Variants in KCNH1 observed in about 807,000 individuals in gnomAD.
KCNH1 encodes the protein voltage-gated delayed rectifier potassium channel KCNH1.
KCNH1 carries 27 observed loss-of-function variants against 69.2 expected under a neutral mutation model. That is an observed-to-expected ratio of 0.39 (90% CI 0.29 to 0.54). The LOEUF is 0.54. Ranked by LOEUF, KCNH1 falls within the 20% of genes least tolerant of loss-of-function variation. The probability of loss-of-function intolerance (pLI) is 0.68; values close to 1 mark genes in which losing one functional copy is unlikely to be tolerated. For synonymous variants in KCNH1, 456 were observed against 487.7 expected, an observed-to-expected ratio of 0.93 and a Z score of 0.86; for missense variants, 798 against 1,261.6, an observed-to-expected ratio of 0.63 and a Z score of 5.57.
At chr1:210,733,502 G>T (rs1005100918) in intron 10 of KCNH1, among the ~76,000 whole-genome samples, 3 of 152,114 alleles carry the variant, frequency 2.0e-5, no homozygotes, top group African/African-American at 7.2e-5. Context: ...AATTGATCTG[G>T]GTTAAGGCTC....
At chr1:210,714,321 C>T (rs138720188) in intron 10 of KCNH1, among the ~76,000 whole-genome samples, 10 of 152,286 alleles carry the variant, frequency 6.6e-5, no homozygotes, top group South Asian at 2.1e-4. Context: ...ATCAATGTTT[C>T]GAGGTAGACA....
chr1:211,117,238 T>C (rs1571660717), intron 1 of KCNH1, among the ~76,000 whole-genome samples: 1 of 152,196 alleles, frequency 6.6e-6, no homozygotes, highest in South Asian at 2.1e-4. Flanking sequence ...CTATGTTAGG[T>C]AATACAGTCA....
intron 6 of KCNH1, among the ~76,000 whole-genome samples, chr1:210,957,602 A>G (rs1688203661): frequency 6.6e-6 from 1 of 152,224 alleles, no homozygotes; most frequent in Admixed American, 6.5e-5. Flanking sequence ...GTGCTCCTGT[A>G]TTCAATGCAT....
chr1:210,860,234 G>C, intron 7 of KCNH1: 1 of 1,463,996 alleles, frequency 6.8e-7, no homozygotes. Context: ...AAGCCATCTT[G>C]CTGAAAGACT....
At position 210,682,596 on chromosome 1, in the gene KCNH1, T is replaced by G. The variant is rs1451350679; in HGVS notation, c.*685A>C. The G allele has an allele frequency of 1.3e-5, 2 of 152,552 alleles. No individual in the cohort carries two copies. The highest frequency in any genetic ancestry group is 2.9e-5 in the Non-Finnish European group (2 of 68,376). The allele number at this position is 152,552 out of a possible 1,614,324, so 9.4% of individuals were successfully genotyped here. On this transcript the variant is annotated 3_prime_UTR_variant, in exon 11 of 11. Coordinates refer to ENST00000271751, the MANE Select transcript of KCNH1 (RefSeq NM_172362.3). ...AGAACCCCTGGATCTTAAGGGCCCCTCTCCAGCTCTTACCCTTGCCTCACC... is the reference window on the plus strand; with the variant it reads ...AGAACCCCTGGATCTTAAGGGCCCCGCTCCAGCTCTTACCCTTGCCTCACC...
At chr1:210,873,782 G>A (rs1686305242) in intron 7 of KCNH1, among the ~76,000 whole-genome samples, 1 of 152,068 alleles carries the variant, frequency 6.6e-6, no homozygotes. Context: ...TAATCATAGG[G>A]AGATTTATGA....
In KCNH1 at chr1:210,802,384, G is replaced by A. The variant is rs150505385; in HGVS notation, c.1662+1583C>T. 1.5e-3 allele frequency among the ~76,000 whole-genome samples: 226 copies of A among 152,244 alleles called. 1 individual carries two copies. The highest frequency in any genetic ancestry group is 4.7e-3 in the African/African-American group (197 of 41,560). On this transcript the variant is annotated intron_variant, in intron 8 of 10. Coordinates refer to ENST00000271751, the MANE Select transcript of KCNH1 (RefSeq NM_172362.3). ...GCAATGTGTCATTATGTATTTTTAC[G>A]ATCATGTTATCTTTCTGTTTTCCTC...
In KCNH1 at chr1:210,905,331, T is replaced by C. The variant is rs192477205; in HGVS notation, c.1462+14309A>G. Among the ~76,000 whole-genome samples, 35 of 152,284 alleles carry C rather than the reference T, an allele frequency of 2.3e-4. No individual in the cohort carries two copies. In the East Asian group the frequency reaches 5.4e-3, roughly 23 times the overall value. On this transcript the variant is annotated intron_variant, in intron 7 of 10. Transcript: ENST00000271751. ...TGAGTTAAGAGTAGCCCATAGTAAG[T>C]GTCTAATAAATTTTAGCTCTTACTA...
chr1:210,828,684 T>C (rs1011763576), intron 7 of KCNH1, among the ~76,000 whole-genome samples: 1 of 152,162 alleles, frequency 6.6e-6, no homozygotes, highest in African/African-American at 2.4e-5. Context: ...CTCAACAAAG[T>C]TGAGTTAAAG....
At chr1:210,873,550 C>T (rs1242050198) in intron 7 of KCNH1, among the ~76,000 whole-genome samples, 1 of 151,818 alleles carries the variant, frequency 6.6e-6, no homozygotes, top group Non-Finnish European at 1.5e-5. Flanking sequence ...GAGAGGGTCT[C>T]ACTGTGTTTG....
At chr1:210,900,301 G>A (rs1394458027) in intron 7 of KCNH1, among the ~76,000 whole-genome samples, 4 of 152,170 alleles carry the variant, frequency 2.6e-5, no homozygotes, top group South Asian at 2.1e-4. Flanking sequence ...AATCATCCCC[G>A]GTGCTCCTAT....
chr1:210,685,727 A>C (rs1574179851), intron 10 of KCNH1, among the ~76,000 whole-genome samples: 2 of 68,222 alleles, frequency 2.9e-5, no homozygotes, highest in Non-Finnish European at 9.3e-5. Flanking sequence ...CCCCCAGATG[A>C]AGATGACAAG....
At position 211,019,126 on chromosome 1, in the gene KCNH1, T is replaced by C. The variant is rs1396126982; in HGVS notation, c.689A>G (p.Tyr230Cys). 6.2e-7 allele frequency: 1 copy of C among 1,614,008 alleles called. No homozygotes were observed. Among genetic ancestry groups the C allele is most frequent in the Non-Finnish European group, 8.5e-7 (1 of 1,179,936 alleles). Residue 230 changes from tyrosine to cysteine, a missense_variant, in exon 6 of 11, where the codon TAT becomes TGT. Coordinates refer to ENST00000271751, the MANE Select transcript of KCNH1 (RefSeq NM_172362.3). ...WDWIILILTFYTAILVPYNVS... is the reference protein window; with the variant it reads ...WDWIILILTFCTAILVPYNVS... The stretch of plus-strand genomic sequence containing the variant: ...ATTATAAGGGACCAAGATGGCTGTA[T>C]AGAAGGTCAAGATCAAGATGATCCA...
At chr1:210,954,742 T>A (rs1316981113) in intron 6 of KCNH1, among the ~76,000 whole-genome samples, 1 of 152,220 alleles carries the variant, frequency 6.6e-6, no homozygotes, top group Admixed American at 6.5e-5. Flanking sequence ...GCCCACTTTT[T>A]GATGGGGTTG....
chr1:211,117,841 G>A (rs777847214), intron 1 of KCNH1, among the ~76,000 whole-genome samples: 4 of 152,134 alleles, frequency 2.6e-5, no homozygotes, highest in Admixed American at 6.5e-5. Context: ...TAAGTAATCA[G>A]ATGTATAACA....
At chr1:210,935,851 A>T (rs1231077261) in intron 6 of KCNH1, among the ~76,000 whole-genome samples, 1 of 152,232 alleles carries the variant, frequency 6.6e-6, no homozygotes. Flanking sequence ...ACTCTGTTGT[A>T]GTTATACTGA....
chr1:210,948,595 T>C (rs890271986), intron 6 of KCNH1, among the ~76,000 whole-genome samples: 4 of 151,972 alleles, frequency 2.6e-5, no homozygotes, highest in Admixed American at 2.6e-4. Context: ...TTTGGGAGGC[T>C]GAGGCGGGCG....
chr1:210,934,408 A>G (rs1047790370), intron 6 of KCNH1, among the ~76,000 whole-genome samples: 3 of 152,198 alleles, frequency 2.0e-5, no homozygotes, highest in Non-Finnish European at 4.4e-5. Context: ...TAATTCCAGC[A>G]CTTTGTGGGG....
rs373093360 is a variant in KCNH1 at position 210,905,667 on chromosome 1, C to T, written c.1462+13973G>A. On this transcript the variant is annotated intron_variant, in intron 7 of 10. Transcript: ENST00000271751. ...TTTCATCTCAGGGGAAAAAAAAAAT[C>T]GTAAAACTGGCCTACCCTCTCGGTG... is the stretch of plus-strand genomic sequence containing the variant. Among the ~76,000 whole-genome samples, 9 of 151,672 alleles carry T rather than the reference C, an allele frequency of 5.9e-5. No individual in the cohort carries two copies. The East Asian group carries it at 1.4e-3, about 23-fold the overall frequency.
Sources: gnomAD v4.1 joint callset for allele counts (sites outside exome capture counted in the v4.1 genomes callset) on GRCh38, gnomAD v4.1.1 for gene constraint, MANE v1.5 for transcripts, NCBI Gene and HGNC (gene_info 2026-07-23, HGNC 2026-07-21) for gene names.